Variants in JPH2 observed in about 807,000 individuals in gnomAD.
The protein encoded by JPH2 is junctophilin 2.
JPH2 carries 38 observed loss-of-function variants against 55.9 expected under a neutral mutation model. The observed-to-expected ratio is 0.68, with a 90% CI of 0.52 to 0.89. The LOEUF (loss-of-function observed/expected upper bound fraction) is 0.89. Among genes scored for constraint, JPH2 ranks in the 40% least tolerant of loss-of-function variants. The pLI is 0.00. For missense variants in JPH2, 964 were observed against 1,037.6 expected, an observed-to-expected ratio of 0.93 and a Z score of 0.97; for synonymous variants, 480 against 472.4, an observed-to-expected ratio of 1.02 and a Z score of -0.21.
At chr20:44,184,951 G>A (rs939301330) in intron 1 of JPH2, among the ~76,000 whole-genome samples, 7 of 152,000 alleles carry the variant, frequency 4.6e-5, no homozygotes, top group Admixed American at 6.6e-5. Flanking sequence ...TCGATTTTTC[G>A]TTTTGTAAAA....
At chr20:44,152,461 A>C (rs1474054507) in intron 2 of JPH2, among the ~76,000 whole-genome samples, 1 of 152,162 alleles carries the variant, frequency 6.6e-6, no homozygotes, top group African/African-American at 2.4e-5. Context: ...GGATAGCTTG[A>C]GCCAAGGAGT....
At chr20:44,162,777 T>TAC (rs1225326561) in intron 1 of JPH2, among the ~76,000 whole-genome samples, 1 of 80,504 alleles carries the variant, frequency 1.2e-5, no homozygotes, top group African/African-American at 5.3e-5. Flanking sequence ...TATATATATA[T>TAC]ATATATATAT....
At position 44,115,717 on chromosome 20, in the gene JPH2, T is replaced by C. The variant is rs1015099481; in HGVS notation, c.1958A>G (p.Lys653Arg). 5.0e-6 allele frequency: 8 copies of C among 1,613,512 alleles called. No individual in the cohort carries two copies. Among genetic ancestry groups the C allele is most frequent in the South Asian group, 1.1e-5 (1 of 91,066 alleles). The change falls in exon 4 of 6, where the codon AAG becomes AGG. Residue 653 changes from lysine (K) to arginine (R), a missense_variant. Coordinates refer to ENST00000372980, the MANE Select transcript of JPH2 (RefSeq NM_020433.5). Reference protein sequence around the residue: ...RGLTKAGAKKKARKEAALAAE... With the variant: ...RGLTKAGAKKRARKEAALAAE... ...CGCCAGTGCGGCCTCCTTCCGCGCCTTCTTCTTGGCCCCCGCCTTGGTCAG... is the reference window on the plus strand; with the variant it reads ...CGCCAGTGCGGCCTCCTTCCGCGCCCTCTTCTTGGCCCCCGCCTTGGTCAG...
intron 1 of JPH2, among the ~76,000 whole-genome samples, chr20:44,182,001 T>C (rs1305247882): frequency 6.6e-6 from 1 of 152,218 alleles, no homozygotes; most frequent in South Asian, 2.1e-4. Context: ...GAATTAATAA[T>C]AGGTAATAGT....
chr20:44,173,783 G>A (rs890999274), intron 1 of JPH2, among the ~76,000 whole-genome samples: 5 of 152,098 alleles, frequency 3.3e-5, no homozygotes, highest in East Asian at 1.9e-4. Flanking sequence ...GCGTGGTGGC[G>A]CATGCCTGTA....
At chr20:44,176,713 G>A in intron 1 of JPH2, 2 of 236,660 alleles carry the variant, frequency 8.5e-6, no homozygotes, top group Non-Finnish European at 6.9e-6. Context: ...AGGATCACTT[G>A]AGCCCAGGAG....
At chr20:44,176,445 A>C (rs1265855967) in intron 1 of JPH2, among the ~76,000 whole-genome samples, 1 of 150,216 alleles carries the variant, frequency 6.7e-6, no homozygotes, top group Non-Finnish European at 1.5e-5. Context: ...TGTACATCCC[A>C]TCAAGGGTAC....
At chr20:44,135,604 G>C (rs1600844150) in intron 2 of JPH2, among the ~76,000 whole-genome samples, 1 of 152,332 alleles carries the variant, frequency 6.6e-6, no homozygotes, top group East Asian at 1.9e-4. Flanking sequence ...ACAAGGGGCA[G>C]AAGCTTCGCT....
At chr20:44,151,556 A>G (rs1303109583) in intron 2 of JPH2, among the ~76,000 whole-genome samples, 2 of 151,958 alleles carry the variant, frequency 1.3e-5, no homozygotes, top group African/African-American at 4.8e-5. Flanking sequence ...TTGTGCTAAC[A>G]TTAAATCCAT....
rs528657078 is a variant in JPH2 at position 44,144,475 on chromosome 20, G to A, written c.1169+15143C>T. Among the ~76,000 whole-genome samples the A allele has an allele frequency of 3.3e-5, 5 of 152,302 alleles. No homozygotes were observed. In the South Asian group the frequency reaches 1.0e-3, roughly 32 times the overall value. On this transcript the variant is annotated intron_variant, in intron 2 of 5. Coordinates refer to ENST00000372980, the MANE Select transcript of JPH2 (RefSeq NM_020433.5). ...GTCCCCATTCTACAGACGAGGAAAG[G>A]GAGGCTTAGGGAAGACCAAGGACAC... is the stretch of plus-strand genomic sequence containing the variant.
intron 2 of JPH2, among the ~76,000 whole-genome samples, chr20:44,139,425 A>G (rs878559): frequency 6.6e-6 from 1 of 152,062 alleles, no homozygotes; most frequent in East Asian, 1.9e-4. Flanking sequence ...ACATCCATGT[A>G]CAACAATGGG....
intron 2 of JPH2, among the ~76,000 whole-genome samples, chr20:44,156,566 T>G (rs1238587695): frequency 6.6e-6 from 1 of 152,084 alleles, no homozygotes; most frequent in Non-Finnish European, 1.5e-5. Flanking sequence ...GTGAGGCCAT[T>G]GTCTTCCTCC....
At chr20:44,177,881 T>C in intron 1 of JPH2, 3 of 1,611,198 alleles carry the variant, frequency 1.9e-6, no homozygotes, top group Non-Finnish European at 2.5e-6. Flanking sequence ...ATATATATTT[T>C]GGCATTTCCT....
intron 2 of JPH2, among the ~76,000 whole-genome samples, chr20:44,144,687 G>A (rs1229125385): frequency 6.6e-6 from 1 of 152,230 alleles, no homozygotes; most frequent in Non-Finnish European, 1.5e-5. Flanking sequence ...CTGGCTCAGA[G>A]AATCGGAAGC....
chr20:44,177,508 T>A, intron 1 of JPH2: 1 of 1,031,068 alleles, frequency 9.7e-7, no homozygotes. Flanking sequence ...ACGGTCCGCT[T>A]TTCTGTTCTG....
chr20:44,129,587 T>C (rs62204472), intron 2 of JPH2, among the ~76,000 whole-genome samples: 19,650 of 149,492 alleles, frequency 0.13, 1,477 homozygotes, highest in South Asian at 0.21. Flanking sequence ...AACAAAACCA[T>C]TGCTGCTTCC....
intron 2 of JPH2, among the ~76,000 whole-genome samples, chr20:44,134,152 T>A (rs372442634): frequency 7.0e-5 from 2 of 28,434 alleles, no homozygotes; most frequent in African/African-American, 2.1e-4. Context: ...AAATATTTAT[T>A]ATAAATATAT....
At chr20:44,145,909 A>G (rs1337050727) in intron 2 of JPH2, among the ~76,000 whole-genome samples, 1 of 151,946 alleles carries the variant, frequency 6.6e-6, no homozygotes, top group Non-Finnish European at 1.5e-5. Flanking sequence ...CCTCTTTCCT[A>G]AGGCACCTTC....
At chr20:44,128,161 C>A (rs1662680665) in intron 2 of JPH2, among the ~76,000 whole-genome samples, 1 of 152,142 alleles carries the variant, frequency 6.6e-6, no homozygotes, top group Non-Finnish European at 1.5e-5. Flanking sequence ...TTTGTCATAG[C>A]TAAGAAGGTT....
Sources: allele counts gnomAD v4.1 joint callset (sites outside exome capture counted in the v4.1 genomes callset), GRCh38; gene constraint gnomAD v4.1.1; transcripts MANE v1.5; gene names NCBI Gene and HGNC (gene_info 2026-07-23, HGNC 2026-07-21).